The following COLEC10 variants were observed in gnomAD, a reference collection of about 807,000 sequenced individuals.
COLEC10 encodes the protein collectin subfamily member 10, also known as collectin-10.
In COLEC10, 22 loss-of-function variants were observed where a neutral mutation model predicts 28.4. That is an observed-to-expected ratio of 0.78 (90% CI 0.55 to 1.11). COLEC10 has a LOEUF of 1.11. Among genes scored for constraint, COLEC10 ranks in the 50% least tolerant of loss-of-function variants. COLEC10 has a pLI of 0.00. For synonymous variants in COLEC10, 125 were observed against 116.1 expected (o/e 1.08, Z -0.49); for missense variants, 361 against 344.1 (o/e 1.05, Z -0.39).
intron 2 of COLEC10, among the ~76,000 whole-genome samples, chr8:119,010,472 C>T (rs1379233892): frequency 6.6e-6 from 1 of 150,882 alleles, no homozygotes; most frequent in Admixed American, 6.6e-5. Flanking sequence ...CTATAAACAT[C>T]TGTGTGCAAG....
intron 1 of COLEC10, among the ~76,000 whole-genome samples, chr8:118,997,988 T>C (rs1007987453): frequency 2.0e-5 from 3 of 152,188 alleles, no homozygotes; most frequent in Non-Finnish European, 4.4e-5. Context: ...GGTGGCAGCA[T>C]TGAAAAATAG....
At chr8:119,104,897 G>A (rs1815907202) in intron 5 of COLEC10, among the ~76,000 whole-genome samples, 1 of 152,148 alleles carries the variant, frequency 6.6e-6, no homozygotes, top group South Asian at 2.1e-4. Context: ...GTGAATTAAA[G>A]TTATGGATCC....
At chr8:119,014,926 T>C (rs1299468364) in intron 2 of COLEC10, among the ~76,000 whole-genome samples, 2 of 151,158 alleles carry the variant, frequency 1.3e-5, no homozygotes, top group Non-Finnish European at 2.9e-5. Flanking sequence ...AATTCTTTCT[T>C]AGAATTTCCA....
At chr8:119,019,339 G>C (rs757655874) in intron 2 of COLEC10, among the ~76,000 whole-genome samples, 7 of 152,138 alleles carry the variant, frequency 4.6e-5, no homozygotes, top group Non-Finnish European at 7.4e-5. Context: ...CCGTATTGAA[G>C]GGACCCAGGA....
At position 119,035,436 on chromosome 8, in the gene COLEC10, C is replaced by T. The variant is rs563716810; in HGVS notation, n.235+25883C>T. Reference sequence around the variant, plus strand: ...GACCCTGCTGAGCTTAGATATCAATCCTATCTGGATACATGAAGATGCTAA... The same window carrying T: ...GACCCTGCTGAGCTTAGATATCAATTCTATCTGGATACATGAAGATGCTAA... On this transcript the variant is annotated intron_variant and non_coding_transcript_variant, in intron 2 of 6. Transcript: ENST00000521788. Among the ~76,000 whole-genome samples the T allele has an allele frequency of 2.6e-5, 4 of 152,294 alleles. No individual in the cohort carries two copies. In the East Asian group the frequency reaches 7.7e-4, roughly 29 times the overall value.
At chr8:118,975,936 G>A in the COLEC10 span, among the ~76,000 whole-genome samples, 3 of 151,990 alleles carry the variant, frequency 2.0e-5, no homozygotes, top group Admixed American at 1.3e-4. Flanking sequence ...GAGCTTATAA[G>A]GTAGATAAAG....
chr8:118,989,176 T>A, the COLEC10 span, among the ~76,000 whole-genome samples: 2 of 152,226 alleles, frequency 1.3e-5, no homozygotes, highest in Non-Finnish European at 2.9e-5. Context: ...AAGAATCAAA[T>A]GTAAATGCTA....
chr8:119,087,872 A>T (rs571375365), intron 1 of COLEC10, among the ~76,000 whole-genome samples: 2 of 152,222 alleles, frequency 1.3e-5, no homozygotes, highest in Admixed American at 1.3e-4. Context: ...TTAACCACAT[A>T]GTCTCATTTT....
intron 1 of COLEC10, among the ~76,000 whole-genome samples, chr8:119,082,514 C>T (rs1233211174): frequency 6.6e-6 from 1 of 152,196 alleles, no homozygotes; most frequent in Non-Finnish European, 1.5e-5. Context: ...TGTCTTATCA[C>T]CTATGACACA....
At chr8:118,971,390 G>A in the COLEC10 span, among the ~76,000 whole-genome samples, 41 of 152,014 alleles carry the variant, frequency 2.7e-4, no homozygotes, top group African/African-American at 8.0e-4. Flanking sequence ...TTAGTTTTTG[G>A]AAGGTGGCAG....
intron 2 of COLEC10, among the ~76,000 whole-genome samples, chr8:119,057,178 G>A (rs1361176647): frequency 6.6e-6 from 1 of 151,908 alleles, no homozygotes; most frequent in Non-Finnish European, 1.5e-5. Context: ...TAGTGAGTGA[G>A]TTTTCACAAG....
At chr8:119,023,958 C>T (rs73709526) in intron 2 of COLEC10, among the ~76,000 whole-genome samples, 6,956 of 152,186 alleles carry the variant, frequency 0.046, 240 homozygotes, top group East Asian at 0.16. Flanking sequence ...AAACCTCATA[C>T]GCATGTATAT....
At chr8:119,083,984 T>C (rs983707528) in intron 1 of COLEC10, among the ~76,000 whole-genome samples, 2 of 152,178 alleles carry the variant, frequency 1.3e-5, no homozygotes, top group African/African-American at 4.8e-5. Flanking sequence ...ACCTGCCTCA[T>C]GACAATGATG....
chr8:119,050,083 C>T (rs1814651096), intron 2 of COLEC10, among the ~76,000 whole-genome samples: 2 of 152,160 alleles, frequency 1.3e-5, no homozygotes, highest in South Asian at 2.1e-4. Context: ...TAATAATAGT[C>T]CCTACTTGGC....
chr8:119,019,249 T>C (rs1814049559), intron 2 of COLEC10, among the ~76,000 whole-genome samples: 1 of 152,178 alleles, frequency 6.6e-6, no homozygotes, highest in South Asian at 2.1e-4. Context: ...AAGAAACCTG[T>C]GGCTTGCAAA....
intron 2 of COLEC10, among the ~76,000 whole-genome samples, chr8:119,030,377 T>C (rs1248062469): frequency 6.6e-6 from 1 of 152,028 alleles, no homozygotes; most frequent in Non-Finnish European, 1.5e-5. Flanking sequence ...AAAAGTGTGT[T>C]GGTGTGGCTG....
At chr8:118,993,693 T>A (rs983639223), upstream of COLEC10, among the ~76,000 whole-genome samples, 5 of 152,192 alleles carry the variant, frequency 3.3e-5, no homozygotes, top group Non-Finnish European at 7.3e-5. Flanking sequence ...CCTAATTGTC[T>A]CTTCCTATAA....
rs898628895 is a variant in COLEC10, at chr8:119,073,560, G to GT, written c.148+6140dup. Among the ~76,000 whole-genome samples the GT allele has an allele frequency of 8.9e-4, 133 of 150,012 alleles. 1 individual carries two copies. In the Middle Eastern group the frequency reaches 0.018, roughly 20 times the overall value. On this transcript the variant is annotated intron_variant, in intron 1 of 5. Transcript: ENST00000332843. ...GACAGACCAATATTTTCAGTGGTTT[G>GT]TTTTTTTTTAACTTTTATATTTCAG...
intron 1 of COLEC10, among the ~76,000 whole-genome samples, chr8:119,005,578 T>G (rs1586993452): frequency 1.3e-5 from 2 of 152,270 alleles, no homozygotes; most frequent in East Asian, 3.9e-4. Flanking sequence ...GAACCTTCAC[T>G]GATCCATGTG....
Sources: gnomAD v4.1 joint callset for allele counts (sites outside exome capture counted in the v4.1 genomes callset) on GRCh38, gnomAD v4.1.1 for gene constraint, MANE v1.5 for transcripts, NCBI Gene and HGNC (gene_info 2026-07-23, HGNC 2026-07-21) for gene names.